Variants in FABP12 observed in about 807,000 individuals in gnomAD.
FABP12 encodes the protein fatty acid-binding protein 12.
FABP12 carries 19 observed loss-of-function variants against 13.7 expected under a neutral mutation model. The ratio of observed to expected loss-of-function variants is 1.39; its 90% CI spans 0.97 to 2.04. The LOEUF (loss-of-function observed/expected upper bound fraction) is 2.04, where lower values mean the gene tolerates loss of function less well. FABP12 is among the 30% of genes most tolerant of loss of function. The pLI, the probability that FABP12 is intolerant of heterozygous loss-of-function variation, is 0.00. For missense variants in FABP12, 182 were observed against 164.2 expected, an observed-to-expected ratio of 1.11 and a Z score of -0.59; for synonymous variants, 61 against 57.0, an observed-to-expected ratio of 1.07 and a Z score of -0.32.
chr8:81,525,397 T>C (rs1487793897), intron 4 of FABP12, among the ~76,000 whole-genome samples: 1 of 151,856 alleles, frequency 6.6e-6, no homozygotes, highest in Non-Finnish European at 1.5e-5. Context: ...GCGCCTATAG[T>C]CCCAGCTACT....
At chr8:81,536,924 A>G (rs1240206822), upstream of FABP12, among the ~76,000 whole-genome samples, 1 of 152,212 alleles carries the variant, frequency 6.6e-6, no homozygotes, top group African/African-American at 2.4e-5. Context: ...AGCCTGAAAT[A>G]TTTACTACTG....
chr8:81,567,973 A>T (rs538579204), intron 1 of FABP12, among the ~76,000 whole-genome samples: 8 of 152,020 alleles, frequency 5.3e-5, no homozygotes, highest in African/African-American at 1.9e-4. Flanking sequence ...TACAAAAAAA[A>T]TTAGCCGGGC....
intron 1 of FABP12, among the ~76,000 whole-genome samples, chr8:81,545,101 A>T (rs985486165): frequency 4.0e-5 from 6 of 151,848 alleles, no homozygotes; most frequent in African/African-American, 1.5e-4. Context: ...GCTCACTGCA[A>T]CCTCCACCTC....
chr8:81,526,232 T>C (rs892247715), intron 4 of FABP12: 4 of 152,224 alleles, frequency 2.6e-5, no homozygotes, highest in African/African-American at 9.6e-5. Context: ...AGAACTATTT[T>C]ATATTATGTA....
Position 81,576,092 on chromosome 8 carries a change from T to C in FABP12, c.-185+13961A>G, listed in dbSNP as rs145961882. On this transcript the variant is annotated intron_variant, in intron 1 of 5. Transcript: ENST00000692030. ...AAAATGATAATTTTCAATCAACTAA[T>C]ATTTGGAGACTTTCTTGGCCAAAAA... Among the ~76,000 whole-genome samples the C allele has an allele frequency of 8.5e-4, 129 of 152,336 alleles. 1 individual carries two copies. The highest frequency in any genetic ancestry group is 3.0e-3 in the African/African-American group (124 of 41,582).
intron 1 of FABP12, among the ~76,000 whole-genome samples, chr8:81,574,820 G>T (rs554362544): frequency 6.6e-6 from 1 of 151,992 alleles, no homozygotes; most frequent in East Asian, 1.9e-4. Context: ...TCTTAGTGAG[G>T]TTACTTTGAT....
intron 1 of FABP12, among the ~76,000 whole-genome samples, chr8:81,557,904 A>G (rs959410445): frequency 4.6e-5 from 7 of 152,108 alleles, no homozygotes; most frequent in African/African-American, 1.7e-4. Flanking sequence ...TTTAGTCCTG[A>G]GTTTTGAAAG....
chr8:81,575,201 C>T (rs190092416), intron 1 of FABP12, among the ~76,000 whole-genome samples: 32 of 152,226 alleles, frequency 2.1e-4, no homozygotes, highest in African/African-American at 7.0e-4. Context: ...ATCTTGGTTT[C>T]GTTTTCAACC....
exon 3 of FABP12, chr8:81,529,450 G>A: frequency 2.5e-6 from 4 of 1,613,828 alleles, no homozygotes; most frequent in Non-Finnish European, 3.4e-6. Context: ...TTGTTTTGTG[G>A]CCACCTGGCG....
At chr8:81,585,020 C>T (rs182626022) in intron 1 of FABP12, among the ~76,000 whole-genome samples, 1 of 152,242 alleles carries the variant, frequency 6.6e-6, no homozygotes, top group Admixed American at 6.5e-5. Flanking sequence ...ATATTTTCTT[C>T]CATTCCGTGG....
intron 2 of FABP12, among the ~76,000 whole-genome samples, chr8:81,530,352 C>A (rs1335093113): frequency 2.0e-5 from 3 of 152,044 alleles, no homozygotes; most frequent in African/African-American, 7.3e-5. Context: ...TGTGTATAGA[C>A]CAAAATTTAT....
chr8:81,562,927 CA>C (rs1809748713), intron 1 of FABP12, among the ~76,000 whole-genome samples: 1 of 152,172 alleles, frequency 6.6e-6, no homozygotes, highest in African/African-American at 2.4e-5. Context: ...CAGCCTTGAG[CA>C]AATGTAAGTG....
At chr8:81,585,167 C>T (rs2130111814) in intron 1 of FABP12, among the ~76,000 whole-genome samples, 1 of 152,244 alleles carries the variant, frequency 6.6e-6, no homozygotes, top group Admixed American at 6.5e-5. Context: ...AGACCAATGT[C>T]TTGGAGCATC....
chr8:81,545,113 C>CG (rs1563547945), intron 1 of FABP12, among the ~76,000 whole-genome samples: 1 of 152,110 alleles, frequency 6.6e-6, no homozygotes, highest in Non-Finnish European at 1.5e-5. Flanking sequence ...CTCCACCTCT[C>CG]GGGTTCAAGC....
At position 81,586,111 on chromosome 8, in the gene FABP12, T is replaced by C. The variant is rs569189549; in HGVS notation, c.-185+3942A>G. On this transcript the variant is annotated intron_variant, in intron 1 of 5. Coordinates refer to the FABP12 transcript ENST00000692030. The stretch of plus-strand genomic sequence containing the variant: ...CATGCAACATTTGGTTTTCTATTCC[T>C]GTGTTAATTCTCTTAGGATATTGGC... 7.2e-5 allele frequency among the ~76,000 whole-genome samples: 11 copies of C among 152,346 alleles called. No individual in the cohort carries two copies. The South Asian group carries it at 2.3e-3, about 32-fold the overall frequency.
chr8:81,551,507 T>C (rs1809521957), intron 1 of FABP12, among the ~76,000 whole-genome samples: 2 of 152,178 alleles, frequency 1.3e-5, no homozygotes. Context: ...ATACTCGTTT[T>C]ATAAAAAGAC....
At chr8:81,551,147 A>C (rs1809516518) in intron 1 of FABP12, among the ~76,000 whole-genome samples, 1 of 152,150 alleles carries the variant, frequency 6.6e-6, no homozygotes, top group Admixed American at 6.6e-5. Flanking sequence ...GGGCTACAGA[A>C]ATGGTCTTTA....
intron 2 of FABP12, 108 bp downstream of exon 2, chr8:81,531,135 G>A: frequency 1.4e-6 from 1 of 735,098 alleles, no homozygotes; most frequent in Non-Finnish European, 2.3e-6. Context: ...TTTTTCCTAT[G>A]TGAAAAATTA....
At chr8:81,547,072 T>TA (rs1809447823) in intron 1 of FABP12, among the ~76,000 whole-genome samples, 1 of 152,336 alleles carries the variant, frequency 6.6e-6, no homozygotes, top group East Asian at 1.9e-4. Flanking sequence ...TTCCCACACT[T>TA]ACAGCTAGAG....
Sources: allele counts gnomAD v4.1 joint callset (sites outside exome capture counted in the v4.1 genomes callset), GRCh38; gene constraint gnomAD v4.1.1; transcripts MANE v1.5; gene names NCBI Gene and HGNC (gene_info 2026-07-23, HGNC 2026-07-21).